The following JPH1 variants were observed in gnomAD, a reference collection of about 807,000 sequenced individuals.
The protein encoded by JPH1 is junctophilin-1.
A neutral mutation model predicts 53.6 loss-of-function variants in JPH1; 12 were observed. The observed-to-expected ratio is 0.22, with a 90% confidence interval of 0.14 to 0.36. The LOEUF (loss-of-function observed/expected upper bound fraction) is 0.36, where lower values mean the gene tolerates loss of function less well. JPH1 is among the 10% of genes least tolerant of loss of function. The pLI is 1.00. For missense variants in JPH1, 808 were observed against 905.5 expected, an observed-to-expected ratio of 0.89 and a Z score of 1.38; for synonymous variants, 375 against 363.8, an observed-to-expected ratio of 1.03 and a Z score of -0.35.
At chr8:74,254,883 T>G (rs370358913) in intron 3 of JPH1, among the ~76,000 whole-genome samples, 2,856 of 152,048 alleles carry the variant, frequency 0.019, 73 homozygotes, top group East Asian at 0.12. Context: ...CACTGCTCAA[T>G]GAAATAAAAG....
At chr8:74,255,373 A>G (rs962419722) in intron 3 of JPH1, among the ~76,000 whole-genome samples, 1 of 152,056 alleles carries the variant, frequency 6.6e-6, no homozygotes, top group African/African-American at 2.4e-5. Flanking sequence ...TCCCTTCCTT[A>G]CACCTTATAC....
At position 74,321,412 on chromosome 8, in the gene JPH1, C is replaced by A; in HGVS notation, c.-125G>T. ...TCACGACAGCGCCCTGGGCAGCTCG[C>A]GCTGCCGCTCGGCTCCAGTCCGACG... On this transcript the variant is annotated 5_prime_UTR_variant, in exon 1 of 6. Coordinates refer to ENST00000342232, the MANE Select transcript of JPH1 (RefSeq NM_020647.4). This position sits in a 1 kb window ranked among gnomAD's most constrained non-coding sequence, Gnocchi z 4.3. The A allele has an allele frequency of 1.1e-6, 1 of 926,466 alleles. No homozygotes were observed. Among genetic ancestry groups the A allele is most frequent in the Non-Finnish European group, 1.5e-6 (1 of 677,624 alleles). 57.4% of individuals were successfully genotyped at this position (926,466 alleles called of 1,614,324 possible).
At chr8:74,279,020 C>G (rs1211144602) in intron 2 of JPH1, among the ~76,000 whole-genome samples, 1 of 152,124 alleles carries the variant, frequency 6.6e-6, no homozygotes, top group East Asian at 1.9e-4. Flanking sequence ...TACACACACA[C>G]AGCATCATTT....
At chr8:74,259,256 CTTGCTTGTTTTGTATAAT>C in intron 3 of JPH1, 111 bp downstream of exon 3, 1 of 668,638 alleles carries the variant, frequency 1.5e-6, no homozygotes, top group Non-Finnish European at 2.5e-6. Context: ...CGCAGGCGCC[CTTGCTTGTTTTGTATAAT>C]AGTACTGCTG....
Position 74,315,686 on chromosome 8 carries a change from A to G in JPH1, c.380-66T>C. The G allele has an allele frequency of 6.9e-7, 1 of 1,458,708 alleles. No homozygotes were observed. Among genetic ancestry groups the G allele is most frequent in the Non-Finnish European group, 9.2e-7 (1 of 1,092,108 alleles). The allele number at this position is 1,458,708 out of a possible 1,614,324, so 90.4% of individuals were successfully genotyped here. ...AGCTGCACCGTCACCTGCACCATCCAGCGCACACTGGCGCAGGCCTGCCCA... is the reference window on the plus strand; with the variant it reads ...AGCTGCACCGTCACCTGCACCATCCGGCGCACACTGGCGCAGGCCTGCCCA... On this transcript the variant is annotated intron_variant, in intron 1 of 5. Transcript: ENST00000342232. This position sits in a 1 kb window ranked among gnomAD's most constrained non-coding sequence, Gnocchi z 6.3.
chr8:74,271,047 A>G (rs1806683342), intron 2 of JPH1, among the ~76,000 whole-genome samples: 1 of 152,218 alleles, frequency 6.6e-6, no homozygotes, highest in South Asian at 2.1e-4. Context: ...TCCGAGGTTC[A>G]GACTGAGTCC....
At chr8:74,255,024 C>G (rs1290416641) in intron 3 of JPH1, among the ~76,000 whole-genome samples, 1 of 152,134 alleles carries the variant, frequency 6.6e-6, no homozygotes, top group African/African-American at 2.4e-5. Context: ...TGACTTTCTC[C>G]ACAGAATTGG....
rs1429631909 is a variant in JPH1 at position 74,321,213 on chromosome 8, C to T, written c.75G>A (p.Gly25=). The T allele has an allele frequency of 5.6e-6, 9 of 1,611,750 alleles. No homozygotes were observed. Among genetic ancestry groups the T allele is most frequent in the Non-Finnish European group, 7.6e-6 (9 of 1,179,264 alleles). ...CGGWEEGKAH[G]HGICTGPKGQ... is the part of the protein sequence containing the mutation. ...CCTTGGGCCCCGTGCAGATGCCATG[C>T]CCGTGCGCCTTGCCCTCCTCCCAGC... Residue 25 remains glycine (G), a synonymous_variant, in exon 1 of 6, where the codon GGG becomes GGA. Coordinates refer to ENST00000342232, the MANE Select transcript of JPH1 (RefSeq NM_020647.4). The surrounding 1 kb of genome is among the most constrained non-coding windows in gnomAD (Gnocchi z 4.3).
chr8:74,301,599 T>G (rs140479361), intron 2 of JPH1, among the ~76,000 whole-genome samples: 7 of 152,136 alleles, frequency 4.6e-5, no homozygotes, highest in Admixed American at 1.3e-4. Context: ...TTCATTCCAC[T>G]CCACCTTTGC....
intron 3 of JPH1, among the ~76,000 whole-genome samples, chr8:74,250,126 G>A (rs942581222): frequency 6.7e-6 from 1 of 150,296 alleles, no homozygotes. Context: ...TGAATCTCTC[G>A]ACTAAAAGGA....
At chr8:74,240,601 A>G (rs4237013) in intron 4 of JPH1, among the ~76,000 whole-genome samples, 119,125 of 152,178 alleles carry the variant, frequency 0.78, 46,759 homozygotes, top group African/African-American at 0.83. Context: ...CTACACACTT[A>G]GATTAGATTT....
chr8:74,274,072 G>A (rs1202996020), intron 2 of JPH1, among the ~76,000 whole-genome samples: 6 of 152,126 alleles, frequency 3.9e-5, no homozygotes, highest in African/African-American at 7.2e-5. Flanking sequence ...GAAGAAACAC[G>A]GCAAATGCAT....
chr8:74,284,165 C>G (rs1169758841), intron 2 of JPH1, among the ~76,000 whole-genome samples: 1 of 152,224 alleles, frequency 6.6e-6, no homozygotes, highest in Non-Finnish European at 1.5e-5. Flanking sequence ...TGACACATCA[C>G]TAAAAATAAG....
At chr8:74,252,400 A>C (rs1317099609) in intron 3 of JPH1, among the ~76,000 whole-genome samples, 2 of 152,206 alleles carry the variant, frequency 1.3e-5, no homozygotes, top group Non-Finnish European at 2.9e-5. Flanking sequence ...ACCGAATGGG[A>C]GAAAATTTTT....
intron 3 of JPH1, among the ~76,000 whole-genome samples, chr8:74,251,471 C>T (rs1806059555): frequency 6.6e-6 from 1 of 152,108 alleles, no homozygotes; most frequent in African/African-American, 2.4e-5. Flanking sequence ...CCACTAATGG[C>T]AATTTAGGTT....
intron 3 of JPH1, among the ~76,000 whole-genome samples, chr8:74,250,520 C>A (rs946725606): frequency 2.6e-5 from 4 of 152,234 alleles, no homozygotes; most frequent in South Asian, 2.1e-4. Context: ...CCCGGTCCCC[C>A]CTGCTTCCTC....
intron 2 of JPH1, among the ~76,000 whole-genome samples, chr8:74,314,079 A>G (rs1391272960): frequency 6.6e-6 from 1 of 152,140 alleles, no homozygotes; most frequent in Non-Finnish European, 1.5e-5. Flanking sequence ...TACTCACTCC[A>G]GCCCTTCTCT....
intron 2 of JPH1, among the ~76,000 whole-genome samples, chr8:74,299,505 T>C (rs1226597891): frequency 6.6e-6 from 1 of 152,178 alleles, no homozygotes; most frequent in Non-Finnish European, 1.5e-5. Flanking sequence ...TGACGAGCTG[T>C]AGCCAATCAG....
chr8:74,313,274 T>C (rs1246250056), intron 2 of JPH1, among the ~76,000 whole-genome samples: 1 of 152,166 alleles, frequency 6.6e-6, no homozygotes, highest in Non-Finnish European at 1.5e-5. Context: ...CAAGATTAGA[T>C]GTGCTGAGTA....
Sources: gnomAD v4.1 joint callset for allele counts (sites outside exome capture counted in the v4.1 genomes callset) on GRCh38, gnomAD v4.1.1 for gene constraint, Gnocchi (gnomAD v3.1) non-coding constraint, MANE v1.5 for transcripts, NCBI Gene and HGNC (gene_info 2026-07-23, HGNC 2026-07-21) for gene names.